TANGO6: variants seen among roughly 807,000 people sequenced by gnomAD.
TANGO6 encodes transport and Golgi organization protein 6 homolog.
A neutral mutation model predicts 114.2 loss-of-function variants in TANGO6; 90 were observed. That is an observed-to-expected ratio of 0.79 (90% CI 0.66 to 0.94). TANGO6 has a LOEUF of 0.94. Ranked by LOEUF, TANGO6 falls within the 40% of genes least tolerant of loss-of-function variation. TANGO6 has a pLI of 0.00. For missense variants in TANGO6, 1,274 were observed against 1,315.3 expected (o/e 0.97, Z 0.49); for synonymous variants, 477 against 509.8 (o/e 0.94, Z 0.87).
intron 14 of TANGO6, among the ~76,000 whole-genome samples, chr16:68,959,492 C>G (rs1963567920): frequency 6.6e-6 from 1 of 152,034 alleles, no homozygotes; most frequent in Admixed American, 6.6e-5. Flanking sequence ...GAGGCTGAGG[C>G]AGGAGAATTG....
At chr16:69,019,263 GC>G (rs1378428111) in intron 15 of TANGO6, among the ~76,000 whole-genome samples, 2 of 152,144 alleles carry the variant, frequency 1.3e-5, no homozygotes, top group Non-Finnish European at 2.9e-5. Context: ...AATTAGAAAT[GC>G]AAAGACTGGG....
intron 15 of TANGO6, among the ~76,000 whole-genome samples, chr16:69,015,499 T>G (rs1296844116): frequency 6.6e-6 from 1 of 151,874 alleles, no homozygotes; most frequent in African/African-American, 2.4e-5. Context: ...TTTATTTATT[T>G]TAAACAGAGT....
At chr16:69,010,249 C>T (rs1964132446) in intron 15 of TANGO6, among the ~76,000 whole-genome samples, 1 of 152,112 alleles carries the variant, frequency 6.6e-6, no homozygotes, top group Non-Finnish European at 1.5e-5. Context: ...AAAGGCATTG[C>T]AGTAGAATGA....
At chr16:68,889,659 G>A (rs566569976) in intron 7 of TANGO6, among the ~76,000 whole-genome samples, 1 of 152,270 alleles carries the variant, frequency 6.6e-6, no homozygotes, top group South Asian at 2.1e-4. Context: ...TGTGGGAATT[G>A]CAAATGTTAG....
chr16:68,851,874 A>T lies in TANGO6; in HGVS notation c.95-8010A>T, dbSNP rs111786252. Among the ~76,000 whole-genome samples, 17 of 152,324 alleles carry T rather than the reference A, an allele frequency of 1.1e-4. No homozygotes were observed. In the East Asian group the frequency reaches 3.1e-3, roughly 28 times the overall value. ...TAGCCAGTTCGATAGATGGAAAGTG[A>T]TATTTCAGTATAACTTTAATTTACT... On this transcript the variant is annotated intron_variant, in intron 1 of 17. Coordinates refer to ENST00000261778, the MANE Select transcript of TANGO6 (RefSeq NM_024562.2).
rs1163740564 is a variant in TANGO6, at chr16:69,083,798, T to C, written c.*137T>C. 3.3e-6 allele frequency: 3 copies of C among 919,104 alleles called. No homozygotes were observed. Among genetic ancestry groups the C allele is most frequent in the Non-Finnish European group, 4.8e-6 (3 of 626,044 alleles). The allele number at this position is 919,104 out of a possible 1,614,324, so 56.9% of individuals were successfully genotyped here. On this transcript the variant is annotated 3_prime_UTR_variant, in exon 18 of 18. Coordinates refer to ENST00000261778, the MANE Select transcript of TANGO6 (RefSeq NM_024562.2). The stretch of plus-strand genomic sequence containing the variant: ...CCTCGGGGTGGTTTTATGGTGCAGG[T>C]CACTTGGGTCTTCAGGGTCCCTTCC...
At chr16:68,904,747 C>T (rs1962827773) in intron 9 of TANGO6, among the ~76,000 whole-genome samples, 1 of 152,092 alleles carries the variant, frequency 6.6e-6, no homozygotes, top group Non-Finnish European at 1.5e-5. Flanking sequence ...TAGTGTTTTG[C>T]TTTTTAGTGC....
chr16:68,891,451 C>A (rs1371636413), intron 7 of TANGO6, among the ~76,000 whole-genome samples: 1 of 152,106 alleles, frequency 6.6e-6, no homozygotes, highest in African/African-American at 2.4e-5. Flanking sequence ...CAGAGCAAGG[C>A]TCCCTCTCAA....
At chr16:68,894,552 A>G (rs1210618031) in intron 7 of TANGO6, among the ~76,000 whole-genome samples, 1 of 151,970 alleles carries the variant, frequency 6.6e-6, no homozygotes, top group African/African-American at 2.4e-5. Flanking sequence ...AGCTTGCAGG[A>G]CTAGGGTTAT....
intron 11 of TANGO6, among the ~76,000 whole-genome samples, chr16:68,911,242 G>A (rs981754059): frequency 2.0e-5 from 3 of 150,610 alleles, no homozygotes; most frequent in African/African-American, 4.9e-5. Context: ...GCACACCACC[G>A]TGCCCAGCTT....
intron 14 of TANGO6, among the ~76,000 whole-genome samples, chr16:68,958,489 C>CAAAAAA (rs71383945): frequency 2.4e-5 from 1 of 42,460 alleles, no homozygotes; most frequent in South Asian, 7.3e-4. Context: ...AACTCTGTCT[C>CAAAAAA]AAAAAAAAAA....
chr16:68,871,795 T>A (rs1275273537), intron 4 of TANGO6, among the ~76,000 whole-genome samples: 1 of 152,160 alleles, frequency 6.6e-6, no homozygotes, highest in Admixed American at 6.6e-5. Flanking sequence ...AATTTTTGTA[T>A]TTTTAGTAGG....
At chr16:69,038,812 G>A (rs1035462325) in intron 16 of TANGO6, among the ~76,000 whole-genome samples, 2 of 152,084 alleles carry the variant, frequency 1.3e-5, no homozygotes, top group South Asian at 2.1e-4. Context: ...GGAGGTGGAC[G>A]CGGGCAGATC....
chr16:68,883,076 A>C (rs1962487494), intron 7 of TANGO6, among the ~76,000 whole-genome samples: 1 of 152,180 alleles, frequency 6.6e-6, no homozygotes, highest in Non-Finnish European at 1.5e-5. Context: ...ACGTGCCTGT[A>C]ATCCCAGTTA....
intron 16 of TANGO6, among the ~76,000 whole-genome samples, chr16:69,037,930 G>A (rs1959716284): frequency 6.6e-6 from 1 of 152,190 alleles, no homozygotes. Flanking sequence ...ATGCCCAACT[G>A]TTTGAAAGCT....
intron 7 of TANGO6, among the ~76,000 whole-genome samples, chr16:68,884,836 A>G (rs1338467568): frequency 1.3e-5 from 2 of 152,182 alleles, no homozygotes; most frequent in Non-Finnish European, 2.9e-5. Context: ...GAGGGAGGAA[A>G]CCTTTATAGT....
At chr16:69,013,925 T>G (rs1341142985) in intron 15 of TANGO6, among the ~76,000 whole-genome samples, 2 of 152,190 alleles carry the variant, frequency 1.3e-5, no homozygotes, top group East Asian at 3.9e-4. Context: ...CCCCAAGTGC[T>G]AGGATTACAG....
At chr16:68,942,264 T>A (rs369543007) in intron 14 of TANGO6, among the ~76,000 whole-genome samples, 2 of 151,426 alleles carry the variant, frequency 1.3e-5, no homozygotes, top group African/African-American at 4.9e-5. Flanking sequence ...AGAGGTTGCA[T>A]TGAGCCGAGA....
intron 3 of TANGO6, 120 bp from the exon 4 acceptor site, chr16:68,866,959 A>C: frequency 9.2e-6 from 9 of 975,292 alleles, no homozygotes; most frequent in East Asian, 2.7e-5. Context: ...AAGTCTGCAT[A>C]TCATAGCTAT....
Sources: gnomAD v4.1 joint callset for allele counts (sites outside exome capture counted in the v4.1 genomes callset) on GRCh38, gnomAD v4.1.1 for gene constraint, MANE v1.5 for transcripts, NCBI Gene and HGNC (gene_info 2026-07-23, HGNC 2026-07-21) for gene names.